TTLL9: variants seen among roughly 807,000 people sequenced by gnomAD.
TTLL9 encodes the protein tubulin tyrosine ligase like 9.
In TTLL9, 47 loss-of-function variants were observed where a neutral mutation model predicts 65.6. The ratio of observed to expected loss-of-function variants is 0.72; its 90% CI spans 0.57 to 0.91. The LOEUF is 0.91. Ranked by LOEUF, TTLL9 falls within the 40% of genes least tolerant of loss-of-function variation. TTLL9 has a pLI of 0.00. For missense variants in TTLL9, 537 were observed against 568.8 expected (o/e 0.94, Z 0.57); for synonymous variants, 179 against 204.8 (o/e 0.87, Z 1.07).
At chr20:31,938,523 A>G (rs1254485548) in intron 13 of TTLL9, among the ~76,000 whole-genome samples, 1 of 152,204 alleles carries the variant, frequency 6.6e-6, no homozygotes, top group Admixed American at 6.5e-5. Context: ...AACACAACAG[A>G]ACTAGTCCCT....
chr20:31,873,163 T>A, intron 2 of TTLL9: 2 of 391,868 alleles, frequency 5.1e-6, no homozygotes, highest in Admixed American at 3.2e-5. Context: ...TGACTGGATG[T>A]GGGGGGAAGG....
chr20:31,871,330 T>C, intron 2 of TTLL9, 135 bp downstream of exon 2: 2 of 868,666 alleles, frequency 2.3e-6, no homozygotes, highest in South Asian at 1.5e-5. Flanking sequence ...ACCTCTGACC[T>C]GCTAGATGAC....
At chr20:31,938,050 C>T (rs1265796030) in intron 13 of TTLL9, 1 of 401,690 alleles carries the variant, frequency 2.5e-6, no homozygotes, top group South Asian at 1.9e-5. Context: ...CTCTGTTTCT[C>T]TCTCTCTCCC....
In TTLL9 at chr20:31,937,509, G is replaced by C. The variant is rs1279357257; in HGVS notation, c.1118G>C (p.Arg373Thr). 1.2e-6 allele frequency: 2 copies of C among 1,611,102 alleles called. No homozygotes were observed. Among genetic ancestry groups the C allele is most frequent in the East Asian group, 2.2e-5 (1 of 44,802 alleles). The change falls in exon 13 of 15, where the codon AGG (arginine) becomes ACG (threonine). Residue 373 changes from arginine (R) to threonine (T), a missense_variant and splice_region_variant. By Grantham distance (71) the Arg-to-Thr change is moderately conservative. Around this residue, in one of 3 missense-constraint regions of TTLL9, gnomAD observed 205 missense variants for 225.9 expected, o/e 0.91. Transcript: ENST00000535842. Reference sequence around the variant, plus strand: ...CTGCATGTTGTGGACATGGAAGCGAGGTGAGGGAGGGCAGCCTTGATCACA... The same window carrying C: ...CTGCATGTTGTGGACATGGAAGCGACGTGAGGGAGGGCAGCCTTGATCACA... ...DTLHVVDMEA[R>T]LTGREKRVGG...
At chr20:31,933,890 A>G in intron 11 of TTLL9, 32 bp downstream of exon 11, 1 of 1,605,230 alleles carries the variant, frequency 6.2e-7, no homozygotes, top group Non-Finnish European at 8.5e-7. Flanking sequence ...ATGCACGGGT[A>G]CAGCCCTCTG....
At chr20:31,876,291 A>G (rs2063036364) in intron 2 of TTLL9, among the ~76,000 whole-genome samples, 1 of 152,208 alleles carries the variant, frequency 6.6e-6, no homozygotes, top group South Asian at 2.1e-4. Context: ...CTAGAAATAC[A>G]AAAATTAGCT....
chr20:31,888,111 C>G (rs533716418), intron 3 of TTLL9, among the ~76,000 whole-genome samples: 2 of 152,100 alleles, frequency 1.3e-5, no homozygotes, highest in East Asian at 3.9e-4. Context: ...CTCGAACTCC[C>G]GACCTCAGGT....
At chr20:31,942,881 G>A (rs960477008) in intron 14 of TTLL9, 64 bp from the exon 15 acceptor site, 16 of 1,547,226 alleles carry the variant, frequency 1.0e-5, no homozygotes, top group Admixed American at 1.7e-5. Flanking sequence ...GGGAGTTGGG[G>A]CACAGGCCCC....
rs187570895 is a variant in TTLL9 at position 31,943,673 on chromosome 20, T to C, written c.*652T>C. The C allele has an allele frequency of 1.7e-4, 75 of 451,878 alleles. 1 individual carries two copies. Among genetic ancestry groups the C allele is most frequent in the Admixed American group, 1.6e-3 (68 of 42,114 alleles). The allele number at this position is 451,878 out of a possible 1,614,324, so 28.0% of individuals were successfully genotyped here. ...GGACAGGGCATCCCCATTTCTCAGATGGACAAGACAGACCAGGGAGGCAGA... is the reference window on the plus strand; with the variant it reads ...GGACAGGGCATCCCCATTTCTCAGACGGACAAGACAGACCAGGGAGGCAGA... On this transcript the variant is annotated 3_prime_UTR_variant, in exon 15 of 15. Coordinates refer to ENST00000535842, the MANE Select transcript of TTLL9 (RefSeq NM_001008409.5).
At chr20:31,879,619 T>G in intron 2 of TTLL9, 1 of 513,914 alleles carries the variant, frequency 1.9e-6, no homozygotes, top group Non-Finnish European at 3.5e-6. Flanking sequence ...GGAGCCAGCC[T>G]CTGAACGAAC....
At chr20:31,925,181 A>T in intron 9 of TTLL9, 132 bp downstream of exon 9, 1 of 871,480 alleles carries the variant, frequency 1.1e-6, no homozygotes, top group Non-Finnish European at 1.8e-6. Context: ...GAGATCCCCG[A>T]GGGACATCTA....
intron 7 of TTLL9, among the ~76,000 whole-genome samples, chr20:31,921,053 C>A (rs2063809265): frequency 6.6e-6 from 1 of 152,210 alleles, no homozygotes; most frequent in Non-Finnish European, 1.5e-5. Context: ...CACTGTCCAA[C>A]AGAACTTTCT....
intron 2 of TTLL9, among the ~76,000 whole-genome samples, chr20:31,877,509 G>A (rs894348211): frequency 6.6e-6 from 1 of 152,104 alleles, no homozygotes; most frequent in Non-Finnish European, 1.5e-5. Flanking sequence ...TATTATTATT[G>A]TTTATCTAAG....
intron 2 of TTLL9, among the ~76,000 whole-genome samples, chr20:31,883,729 TAAA>T (rs112268533): frequency 6.8e-6 from 1 of 146,426 alleles, no homozygotes; most frequent in African/African-American, 2.5e-5. Context: ...TTAAATAAGT[TAAA>T]AAAAAAAGCC....
intron 4 of TTLL9, chr20:31,901,408 A>T (rs1408385232): frequency 6.6e-6 from 1 of 152,214 alleles, no homozygotes; most frequent in Non-Finnish European, 1.5e-5. Flanking sequence ...GGGAAGGTGG[A>T]AAGAACCTGA....
At chr20:31,929,592 C>CT (rs879834082) in intron 10 of TTLL9, among the ~76,000 whole-genome samples, 34 of 146,184 alleles carry the variant, frequency 2.3e-4, no homozygotes, top group East Asian at 7.9e-4. Flanking sequence ...TCCTTGTAGA[C>CT]TTTTTTTTTT....
Position 31,939,161 on chromosome 20 carries a change from C to T in TTLL9, c.1138C>T (p.Arg380Ter), listed in dbSNP as rs199980451. 12 of 1,595,586 alleles carry T rather than the reference C, an allele frequency of 7.5e-6. No individual in the cohort carries two copies. The highest frequency in any genetic ancestry group is 3.4e-5 in the Admixed American group (2 of 58,272). The change falls in exon 14 of 15, where the codon CGA becomes TGA. Residue 380 changes from arginine to a stop codon, truncating the protein, a stop_gained. Coordinates refer to ENST00000535842, the MANE Select transcript of TTLL9 (RefSeq NM_001008409.5). LOFTEE classifies it high-confidence loss of function. Reference sequence around the variant, plus strand: ...GTCCAGGCTCACGGGAAGGGAGAAGCGAGTCGGGGGCTTTGACCTCATGTG... The same window carrying T: ...GTCCAGGCTCACGGGAAGGGAGAAGTGAGTCGGGGGCTTTGACCTCATGTG... The part of the protein sequence containing the change: ...MEARLTGREK[R>*]VGGFDLMWND...
chr20:31,887,579 C>T (rs945782907), intron 3 of TTLL9, among the ~76,000 whole-genome samples: 7 of 152,206 alleles, frequency 4.6e-5, no homozygotes, highest in African/African-American at 1.7e-4. Flanking sequence ...CCAGGGCCCA[C>T]TGTCTAACTT....
At chr20:31,909,527 A>C (rs1264271086) in intron 5 of TTLL9, among the ~76,000 whole-genome samples, 1 of 152,012 alleles carries the variant, frequency 6.6e-6, no homozygotes, top group Non-Finnish European at 1.5e-5. Flanking sequence ...TGAGCAATTG[A>C]CTTAATCTTT....
Sources: allele counts gnomAD v4.1 joint callset (sites outside exome capture counted in the v4.1 genomes callset), GRCh38; gene constraint gnomAD v4.1.1; regional missense constraint gnomAD v4.1.1; transcripts MANE v1.5; gene names NCBI Gene and HGNC (gene_info 2026-07-23, HGNC 2026-07-21).